Variants in ENTHD1 observed in about 807,000 individuals in gnomAD.
ENTHD1 encodes ENTH domain containing 1, also known as ENTH domain-containing protein 1.
Under a neutral mutation model 39.1 loss-of-function variants are expected in ENTHD1, and 23 were observed. That is an observed-to-expected ratio of 0.59 (90% CI 0.42 to 0.83). The LOEUF is 0.83. Ranked by LOEUF, ENTHD1 falls within the 40% of genes least tolerant of loss-of-function variation. The probability of loss-of-function intolerance (pLI) is 0.00; values close to 1 mark genes in which losing one functional copy is unlikely to be tolerated. For missense variants in ENTHD1, 624 were observed against 705.4 expected (o/e 0.88, Z 1.31); for synonymous variants, 230 against 258.2 (o/e 0.89, Z 1.05).
chr22:39,876,983 C>T (rs930736591), intron 2 of ENTHD1, among the ~76,000 whole-genome samples: 2 of 152,162 alleles, frequency 1.3e-5, no homozygotes, highest in African/African-American at 2.4e-5. Context: ...AAGATGTGTA[C>T]ATAAATGGAC....
At chr22:39,746,341 T>G (rs1215208682) in intron 6 of ENTHD1, among the ~76,000 whole-genome samples, 1 of 152,114 alleles carries the variant, frequency 6.6e-6, no homozygotes, top group East Asian at 1.9e-4. Context: ...AAATTCTTTT[T>G]GTAATGTCTT....
Position 39,887,740 on chromosome 22 carries a change from G to T in ENTHD1, c.9C>A (p.Phe3Leu). 6.4e-7 allele frequency: 1 copy of T among 1,567,130 alleles called. No homozygotes were observed. The highest frequency in any genetic ancestry group is 1.2e-5 in the South Asian group (1 of 81,794). The change falls in exon 2 of 7, where the codon TTC (phenylalanine) becomes TTA (leucine). Residue 3 changes from phenylalanine (F) to leucine (L), a missense_variant. Transcript: ENST00000325157. MA[F>L]RRQVKNFVKN... Reference sequence around the variant, plus strand: ...TCACAAAGTTTTTCACTTGTCTCCTGAACGCCATAAGTAATACAAGTTCCA... The same window carrying T: ...TCACAAAGTTTTTCACTTGTCTCCTTAACGCCATAAGTAATACAAGTTCCA...
intron 4 of ENTHD1, among the ~76,000 whole-genome samples, chr22:39,830,285 G>A (rs2065858911): frequency 2.6e-5 from 4 of 152,098 alleles, no homozygotes; most frequent in Admixed American, 2.6e-4. Flanking sequence ...ATGTTGGCCA[G>A]GCTGGTCTTG....
chr22:39,824,936 T>C (rs907905721), intron 4 of ENTHD1, among the ~76,000 whole-genome samples: 3 of 152,240 alleles, frequency 2.0e-5, no homozygotes, highest in Non-Finnish European at 4.4e-5. Flanking sequence ...ACAAGGTTAT[T>C]ATCTACCCCT....
intron 4 of ENTHD1, among the ~76,000 whole-genome samples, chr22:39,823,968 G>A (rs1339765926): frequency 3.3e-5 from 5 of 152,098 alleles, no homozygotes; most frequent in African/African-American, 1.2e-4. Context: ...TTCATAACAT[G>A]TGCCCATTTT....
At chr22:39,837,656 C>T (rs1053385825) in intron 3 of ENTHD1, among the ~76,000 whole-genome samples, 1 of 152,132 alleles carries the variant, frequency 6.6e-6, no homozygotes, top group Non-Finnish European at 1.5e-5. Context: ...TATTACAGTA[C>T]GAGGCAGCAG....
chr22:39,794,203 T>A (rs2080204345), intron 5 of ENTHD1, among the ~76,000 whole-genome samples: 1 of 152,216 alleles, frequency 6.6e-6, no homozygotes, highest in South Asian at 2.1e-4. Context: ...CCTAGGTATT[T>A]TATTTTATTT....
intron 5 of ENTHD1, among the ~76,000 whole-genome samples, chr22:39,786,297 G>A (rs2065457508): frequency 6.6e-6 from 1 of 152,116 alleles, no homozygotes; most frequent in Admixed American, 6.6e-5. Flanking sequence ...ACAATGTGAT[G>A]TTTTGATCGT....
chr22:39,872,993 C>CT (rs992585112), intron 2 of ENTHD1, among the ~76,000 whole-genome samples: 16 of 149,160 alleles, frequency 1.1e-4, no homozygotes, highest in African/African-American at 2.0e-4. Context: ...CTTTCTTTTT[C>CT]TTTTTTTTTA....
chr22:39,838,717 A>G (rs1218148682), intron 3 of ENTHD1, among the ~76,000 whole-genome samples: 1 of 152,172 alleles, frequency 6.6e-6, no homozygotes. Context: ...CATACTAACA[A>G]TAATTGTAAT....
At chr22:39,833,980 C>A (rs2065890242) in intron 4 of ENTHD1, among the ~76,000 whole-genome samples, 2 of 147,424 alleles carry the variant, frequency 1.4e-5, no homozygotes, top group African/African-American at 2.5e-5. Flanking sequence ...AGCCCTTTAT[C>A]TATACACTTC....
rs111849352 is a variant in ENTHD1, at chr22:39,748,507, T to C, written c.1220-4224A>G. 2.8e-4 allele frequency among the ~76,000 whole-genome samples: 43 copies of C among 152,020 alleles called. 1 individual carries two copies. Among genetic ancestry groups the C allele is most frequent in the African/African-American group, 9.6e-4 (40 of 41,482 alleles). ...CGCGATCTTGGCTCACTGCAAGCTC[T>C]GCCTCCAGGTTCACACCATTCTTCT... On this transcript the variant is annotated intron_variant, in intron 6 of 6. Transcript: ENST00000325157.
chr22:39,830,556 T>C (rs544832903), intron 4 of ENTHD1, among the ~76,000 whole-genome samples: 43 of 152,154 alleles, frequency 2.8e-4, no homozygotes, highest in Non-Finnish European at 5.4e-4. Context: ...ACCTTCCTTA[T>C]AGGAATTCCA....
Position 39,746,206 on chromosome 22 carries a change from C to A in ENTHD1, c.1220-1923G>T, listed in dbSNP as rs368992242. 2.0e-5 allele frequency among the ~76,000 whole-genome samples: 3 copies of A among 152,122 alleles called. No individual in the cohort carries two copies. In the South Asian group the frequency reaches 6.2e-4, roughly 32 times the overall value. On this transcript the variant is annotated intron_variant, in intron 6 of 6. Coordinates refer to ENST00000325157, the MANE Select transcript of ENTHD1 (RefSeq NM_152512.4). ...TACTTTTCTTTCCCATTTTCCCCGC[C>A]TCCATCTTTCTGCTTTACTTCAATG...
chr22:39,789,894 G>A (rs775723393), intron 5 of ENTHD1, among the ~76,000 whole-genome samples: 1 of 152,018 alleles, frequency 6.6e-6, no homozygotes, highest in Non-Finnish European at 1.5e-5. Flanking sequence ...TAGGGTGATC[G>A]GAGGCCTCAC....
chr22:39,811,062 A>G lies in ENTHD1; in HGVS notation c.832+9931T>C, dbSNP rs118067757. On this transcript the variant is annotated intron_variant, in intron 5 of 6. Transcript: ENST00000325157. ...AGCACTCTTGATGCTACATGTATGT[A>G]GAAGGTGGCCAATAAGTCCTGGGAA... is the stretch of plus-strand genomic sequence containing the variant. Among the ~76,000 whole-genome samples, 1,069 of 152,368 alleles carry G rather than the reference A, an allele frequency of 7.0e-3. 4 individuals carry two copies. Among genetic ancestry groups the G allele is most frequent in the Middle Eastern group, 0.017 (5 of 294 alleles).
chr22:39,820,047 T>C (rs1408455092), intron 5 of ENTHD1, among the ~76,000 whole-genome samples: 1 of 152,232 alleles, frequency 6.6e-6, no homozygotes, highest in Non-Finnish European at 1.5e-5. Flanking sequence ...GCCATCCTTA[T>C]ACAAACATCA....
At chr22:39,799,416 T>C (rs1028349176) in intron 5 of ENTHD1, among the ~76,000 whole-genome samples, 3 of 152,272 alleles carry the variant, frequency 2.0e-5, no homozygotes, top group African/African-American at 4.8e-5. Flanking sequence ...TTTTGCTCCT[T>C]AGTTCAGCTA....
intron 4 of ENTHD1, among the ~76,000 whole-genome samples, chr22:39,827,739 A>G (rs1437956509): frequency 6.6e-6 from 1 of 152,206 alleles, no homozygotes; most frequent in Non-Finnish European, 1.5e-5. Context: ...AACTGGTACA[A>G]CTTTTAGGAG....
Sources: allele counts gnomAD v4.1 joint callset (sites outside exome capture counted in the v4.1 genomes callset), GRCh38; gene constraint gnomAD v4.1.1; transcripts MANE v1.5; gene names NCBI Gene and HGNC (gene_info 2026-07-23, HGNC 2026-07-21).